The following RARB variants were observed in gnomAD, a reference collection of about 807,000 sequenced individuals.
RARB encodes HBV-activated protein.
In RARB, 17 loss-of-function variants were observed where a neutral mutation model predicts 51.9. That is an observed-to-expected ratio of 0.33 (90% confidence interval 0.22 to 0.49). The LOEUF is 0.49. Among genes scored for constraint, RARB ranks in the 20% least tolerant of loss-of-function variants. The probability of loss-of-function intolerance (pLI) is 0.99; values close to 1 mark genes in which losing one functional copy is unlikely to be tolerated. For synonymous variants in RARB, 215 were observed against 195.4 expected, an observed-to-expected ratio of 1.10 and a Z score of -0.84; for missense variants, 369 against 550.8, an observed-to-expected ratio of 0.67 and a Z score of 3.30.
chr3:25,565,384 T>C (rs1312783459), intron 3 of RARB, among the ~76,000 whole-genome samples: 1 of 152,198 alleles, frequency 6.6e-6, no homozygotes, highest in African/African-American at 2.4e-5. Flanking sequence ...AGTATTGTGG[T>C]AAATAATACT....
intron 2 of RARB, among the ~76,000 whole-genome samples, chr3:24,921,027 G>A (rs1286972113): frequency 6.6e-6 from 1 of 152,112 alleles, no homozygotes; most frequent in African/African-American, 2.4e-5. Flanking sequence ...TACTGGTGCA[G>A]AGGCCTACAA....
intron 5 of RARB, among the ~76,000 whole-genome samples, chr3:25,398,787 G>A (rs1434936324): frequency 6.6e-6 from 1 of 151,958 alleles, no homozygotes; most frequent in Non-Finnish European, 1.5e-5. Flanking sequence ...ACAAATAACT[G>A]TATAAATACA....
chr3:25,026,091 C>G (rs1297233651), intron 2 of RARB, among the ~76,000 whole-genome samples: 3 of 151,984 alleles, frequency 2.0e-5, no homozygotes, highest in African/African-American at 7.3e-5. Flanking sequence ...TGCTCTTGCT[C>G]CCCCCACCTT....
intron 4 of RARB, 100 bp downstream of exon 4, chr3:25,570,018 A>T (rs1368174760): frequency 9.5e-7 from 1 of 1,056,842 alleles, no homozygotes; most frequent in Non-Finnish European, 1.3e-6. Flanking sequence ...ACACACACAC[A>T]CACTTTGCAC....
At chr3:25,527,357 C>T (rs1467084087) in intron 3 of RARB, among the ~76,000 whole-genome samples, 4 of 152,212 alleles carry the variant, frequency 2.6e-5, no homozygotes, top group African/African-American at 9.7e-5. Flanking sequence ...ACTCGATTTC[C>T]TCCTTAGGGA....
intron 1 of RARB, among the ~76,000 whole-genome samples, chr3:24,848,073 T>C (rs138719726): frequency 1.1e-4 from 16 of 152,330 alleles, no homozygotes; most frequent in African/African-American, 3.8e-4. Flanking sequence ...ATTTTTAAAA[T>C]TGTTTTGAGA....
At chr3:25,141,325 C>T (rs1446176060) in intron 4 of RARB, among the ~76,000 whole-genome samples, 1 of 151,908 alleles carries the variant, frequency 6.6e-6, no homozygotes, top group Admixed American at 6.6e-5. Flanking sequence ...AAGGATGGTA[C>T]AAATAGAATT....
chr3:25,057,674 C>G (rs910655919), intron 2 of RARB, among the ~76,000 whole-genome samples: 1 of 151,974 alleles, frequency 6.6e-6, no homozygotes, highest in African/African-American at 2.4e-5. Flanking sequence ...GTTTCAGTTT[C>G]TTGGCTTTTG....
At chr3:25,076,146 AT>A (rs34420684) in intron 3 of RARB, among the ~76,000 whole-genome samples, 99,732 of 146,236 alleles carry the variant, frequency 0.68, 33,958 homozygotes, top group East Asian at 0.77. Flanking sequence ...GCAGTTATTT[AT>A]TTTTTTTTTT....
At chr3:25,584,692 G>T (rs779459806) in intron 5 of RARB, among the ~76,000 whole-genome samples, 5 of 152,136 alleles carry the variant, frequency 3.3e-5, no homozygotes, top group Non-Finnish European at 5.9e-5. Context: ...CTCCTTCTTG[G>T]TATCCTATAG....
chr3:25,005,064 GTTTC>G (rs1204619987), intron 2 of RARB, among the ~76,000 whole-genome samples: 1 of 152,088 alleles, frequency 6.6e-6, no homozygotes, highest in African/African-American at 2.4e-5. Flanking sequence ...TAAAGCTAGT[GTTTC>G]TAGTGGTTTG....
chr3:24,927,116 T>C (rs1455663848), intron 2 of RARB, among the ~76,000 whole-genome samples: 1 of 152,140 alleles, frequency 6.6e-6, no homozygotes, highest in Non-Finnish European at 1.5e-5. Context: ...CAAATTATAC[T>C]CTTTTGTTTT....
At chr3:25,077,280 A>G (rs1284131802) in intron 3 of RARB, among the ~76,000 whole-genome samples, 6 of 152,184 alleles carry the variant, frequency 3.9e-5, no homozygotes, top group Admixed American at 2.0e-4. Flanking sequence ...AAATTTTGAC[A>G]TATGCTCACA....
At chr3:25,061,373 T>C (rs1001123314) in intron 3 of RARB, among the ~76,000 whole-genome samples, 1 of 151,912 alleles carries the variant, frequency 6.6e-6, no homozygotes, top group Admixed American at 6.6e-5. Context: ...ATTATAATCA[T>C]ATTTTTATTT....
At chr3:25,526,343 C>G (rs975423635) in intron 3 of RARB, among the ~76,000 whole-genome samples, 2 of 152,180 alleles carry the variant, frequency 1.3e-5, no homozygotes, top group African/African-American at 4.8e-5. Context: ...GATTTTTATT[C>G]TCAGTGCAGT....
At chr3:25,301,747 G>C (rs1352501252) in intron 5 of RARB, among the ~76,000 whole-genome samples, 1 of 152,188 alleles carries the variant, frequency 6.6e-6, no homozygotes, top group African/African-American at 2.4e-5. Context: ...GGCTCTTGCG[G>C]TGGCAGTTTC....
chr3:25,577,445 T>G (rs115226180), intron 4 of RARB, among the ~76,000 whole-genome samples: 2 of 152,108 alleles, frequency 1.3e-5, no homozygotes, highest in Non-Finnish European at 2.9e-5. Context: ...GGTCTGCAAA[T>G]TGAACTTGAA....
chr3:25,432,634 G>GATGTTTATA lies in RARB; in HGVS notation c.157+3749_157+3757dup, dbSNP rs550253530. On this transcript the variant is annotated intron_variant, in intron 1 of 7. Transcript: ENST00000330688. ...TAAAAAAAAGTTCTTCTGGATATCAGATGTTTATAATTTACCTTCGACATA... is the reference window on the plus strand; with the variant it reads ...TAAAAAAAAGTTCTTCTGGATATCAGATGTTTATAATGTTTATAATTTACCTTCGACATA... Among the ~76,000 whole-genome samples, 783 of 152,274 alleles carry GATGTTTATA rather than the reference G, an allele frequency of 5.1e-3. 6 individuals are homozygous for GATGTTTATA. Among genetic ancestry groups the GATGTTTATA allele is most frequent in the Non-Finnish European group, 7.7e-3 (521 of 68,016 alleles).
In RARB at chr3:25,539,123, T is replaced by C. The variant is rs369361449; in HGVS notation, c.449-30635T>C. On this transcript the variant is annotated intron_variant, in intron 3 of 7. Transcript: ENST00000330688. ...TTTAGATACCAACAAGCTGGCCAGT[T>C]GCCTGTGCTTTCCAAAACAGTTGAA... 5.7e-4 allele frequency among the ~76,000 whole-genome samples: 87 copies of C among 152,352 alleles called. No individual in the cohort carries two copies. The South Asian group carries it at 0.018, about 31-fold the overall frequency.
Sources: allele counts gnomAD v4.1 joint callset (sites outside exome capture counted in the v4.1 genomes callset), GRCh38; gene constraint gnomAD v4.1.1; transcripts MANE v1.5; gene names NCBI Gene and HGNC (gene_info 2026-07-23, HGNC 2026-07-21).